The following UBE4B variants were observed in gnomAD, a reference collection of about 807,000 sequenced individuals.
UBE4B encodes the protein ubiquitin conjugation factor E4 B.
Under a neutral mutation model 148.1 loss-of-function variants are expected in UBE4B, and 27 were observed. The ratio of observed to expected loss-of-function variants is 0.18; its 90% confidence interval spans 0.13 to 0.25. The LOEUF (loss-of-function observed/expected upper bound fraction) is 0.25. Among genes scored for constraint, UBE4B ranks in the 10% least tolerant of loss-of-function variants. UBE4B has a pLI of 1.00. For synonymous variants in UBE4B, 596 were observed against 619.3 expected, an observed-to-expected ratio of 0.96 and a Z score of 0.56; for missense variants, 1,170 against 1,662.4, an observed-to-expected ratio of 0.70 and a Z score of 5.15.
intron 2 of UBE4B, among the ~76,000 whole-genome samples, chr1:10,087,365 T>C (rs1644782425): frequency 6.6e-6 from 1 of 152,220 alleles, no homozygotes; most frequent in African/African-American, 2.4e-5. Context: ...AGGATTCCTG[T>C]GTACCCTTCA....
At chr1:10,107,330 T>A (rs1429295358) in intron 7 of UBE4B, 1 of 1,287,928 alleles carries the variant, frequency 7.8e-7, no homozygotes, top group African/African-American at 1.5e-5. Context: ...ATGATGAAGG[T>A]GGTGGTGGTG....
intron 1 of UBE4B, among the ~76,000 whole-genome samples, chr1:10,064,345 A>G (rs1644344059): frequency 6.6e-6 from 1 of 152,228 alleles, no homozygotes; most frequent in South Asian, 2.1e-4. Context: ...TAAGATGGTG[A>G]AAAAAAGGTG....
chr1:10,111,044 GACACAC>G (rs55936075), intron 7 of UBE4B, among the ~76,000 whole-genome samples: 5,095 of 113,374 alleles, frequency 0.045, 126 homozygotes, highest in Non-Finnish European at 0.057. Flanking sequence ...CTCTGTCTCT[GACACAC>G]ACACACACAC....
chr1:10,094,428 T>C (rs965847256), intron 2 of UBE4B, among the ~76,000 whole-genome samples: 76 of 151,922 alleles, frequency 5.0e-4, no homozygotes, highest in African/African-American at 1.8e-3. Context: ...CTAGATTCTA[T>C]CATTAACTTT....
rs879934407 is a variant in UBE4B, at chr1:10,060,765, A to AT, written c.25-11250dup. Among the ~76,000 whole-genome samples, 341 of 144,878 alleles carry AT rather than the reference A, an allele frequency of 2.4e-3. 1 individual carries two copies. The highest frequency in any genetic ancestry group is 7.1e-3 in the Middle Eastern group (2 of 280). ...TAGTGAGCTAGTGAGATTCTGGACA[A>AT]TTTTTTTTTTTTTGGAGCCAGTCTC... is the stretch of plus-strand genomic sequence containing the variant. On this transcript the variant is annotated intron_variant, in intron 1 of 27. Coordinates refer to ENST00000343090, the MANE Select transcript of UBE4B (RefSeq NM_001105562.3).
chr1:10,160,741 G>A (rs189040623), intron 22 of UBE4B, among the ~76,000 whole-genome samples: 22 of 152,266 alleles, frequency 1.4e-4, no homozygotes, highest in Middle Eastern at 3.4e-3. Flanking sequence ...GAGCCCAGGA[G>A]TTTGAGACCA....
At position 10,106,644 on chromosome 1, in the gene UBE4B, G is replaced by T; in HGVS notation, c.1196+61G>T. On this transcript the variant is annotated intron_variant, in intron 7 of 27. Coordinates refer to ENST00000343090, the MANE Select transcript of UBE4B (RefSeq NM_001105562.3). The surrounding 1 kb of genome is among the most constrained non-coding windows in gnomAD (Gnocchi z 4.2). ...CGGTGCAGGGAAAGGAGATTAACAC[G>T]GTTTGGAAGAAGTGCTGTGTGACAC... The T allele has an allele frequency of 6.8e-7, 1 of 1,477,432 alleles. No homozygotes were observed. Among genetic ancestry groups the T allele is most frequent in the South Asian group, 1.4e-5 (1 of 70,278 alleles). The allele number at this position is 1,477,432 out of a possible 1,614,324, so 91.5% of individuals were successfully genotyped here.
chr1:10,041,021 C>G (rs1192245573), intron 1 of UBE4B, among the ~76,000 whole-genome samples: 1 of 152,158 alleles, frequency 6.6e-6, no homozygotes, highest in African/African-American at 2.4e-5. Flanking sequence ...CACTTTATAA[C>G]CAGGACTCTT....
intron 1 of UBE4B, among the ~76,000 whole-genome samples, chr1:10,036,589 C>T (rs1643544446): frequency 6.6e-6 from 1 of 151,880 alleles, no homozygotes; most frequent in African/African-American, 2.4e-5. Flanking sequence ...CCCACTTCAG[C>T]CTCCCAAAGT....
At chr1:10,080,293 G>T (rs1413866919) in intron 2 of UBE4B, among the ~76,000 whole-genome samples, 1 of 151,954 alleles carries the variant, frequency 6.6e-6, no homozygotes, top group African/African-American at 2.4e-5. Flanking sequence ...GGTGGCGGGT[G>T]CCTGTAATCC....
chr1:10,111,933 G>C (rs1226909541), intron 7 of UBE4B, among the ~76,000 whole-genome samples: 1 of 151,524 alleles, frequency 6.6e-6, no homozygotes, highest in Non-Finnish European at 1.5e-5. Flanking sequence ...CTCCAGCCTG[G>C]GCAACACAGC....
Position 10,135,474 on chromosome 1 carries a change from C to T in UBE4B, c.2224+288C>T, listed in dbSNP as rs578022407. Among the ~76,000 whole-genome samples, 115 of 152,142 alleles carry T rather than the reference C, an allele frequency of 7.6e-4. 1 individual carries two copies. The highest frequency in any genetic ancestry group is 2.6e-3 in the African/African-American group (106 of 41,498). ...CAAAAATTAGCTGGGCATGGTGGCA[C>T]ACGCCTGTAATCCCAGCACTTTGGG... On this transcript the variant is annotated intron_variant, in intron 16 of 27. Transcript: ENST00000343090.
intron 1 of UBE4B, among the ~76,000 whole-genome samples, chr1:10,068,832 A>AAG (rs1460899058): frequency 6.6e-6 from 1 of 152,200 alleles, no homozygotes. Context: ...CAGACCACCC[A>AAG]AGGGCATTAT....
intron 25 of UBE4B, among the ~76,000 whole-genome samples, chr1:10,177,260 C>T (rs995070823): frequency 6.6e-6 from 1 of 151,838 alleles, no homozygotes; most frequent in Non-Finnish European, 1.5e-5. Context: ...TGGCTCACGC[C>T]TGTAATCCCA....
At chr1:10,097,901 C>T (rs890322795) in intron 3 of UBE4B, among the ~76,000 whole-genome samples, 8 of 152,092 alleles carry the variant, frequency 5.3e-5, no homozygotes, top group African/African-American at 1.7e-4. Context: ...GACGGAGTCT[C>T]ACTCTGTCTC....
intron 25 of UBE4B, among the ~76,000 whole-genome samples, chr1:10,176,848 C>T (rs1646436213): frequency 7.2e-6 from 1 of 138,286 alleles, no homozygotes; most frequent in Non-Finnish European, 1.5e-5. Context: ...TGCAGTGGTG[C>T]GATCTCAGCC....
rs78062225 is a variant in UBE4B, at chr1:10,034,431, A to T, written c.24+737A>T. The stretch of plus-strand genomic sequence containing the variant: ...CTCATTTCTTAAAGGAGTTATACAG[A>T]TCTACTTCTTGATGTTTTAAAGATT... On this transcript the variant is annotated intron_variant, in intron 1 of 27. Coordinates refer to ENST00000343090, the MANE Select transcript of UBE4B (RefSeq NM_001105562.3). Among the ~76,000 whole-genome samples, 30 of 152,196 alleles carry T rather than the reference A, an allele frequency of 2.0e-4. 1 individual carries two copies. The East Asian group carries it at 5.8e-3, about 29-fold the overall frequency.
In UBE4B at chr1:10,104,025, G is replaced by T. The variant is rs187378947; in HGVS notation, c.580+933G>T. On this transcript the variant is annotated intron_variant, in intron 5 of 27. Coordinates refer to ENST00000343090, the MANE Select transcript of UBE4B (RefSeq NM_001105562.3). Reference sequence around the variant, plus strand: ...TCTGCCTGCCTCGGCCTCCCAAAGTGCTGGGATTACAGGCTTGAGCCACCG... The same window carrying T: ...TCTGCCTGCCTCGGCCTCCCAAAGTTCTGGGATTACAGGCTTGAGCCACCG... Among the ~76,000 whole-genome samples, 162 of 152,200 alleles carry T rather than the reference G, an allele frequency of 1.1e-3. 1 individual carries two copies. Among genetic ancestry groups the T allele is most frequent in the African/African-American group, 3.2e-3 (135 of 41,564 alleles).
chr1:10,100,050 C>T (rs758948331), intron 3 of UBE4B, among the ~76,000 whole-genome samples: 7 of 151,104 alleles, frequency 4.6e-5, no homozygotes, highest in Non-Finnish European at 7.4e-5. Context: ...AGTGCAGTGG[C>T]GCAGTCTTGG....
Sources: gnomAD v4.1 joint callset for allele counts (sites outside exome capture counted in the v4.1 genomes callset) on GRCh38, gnomAD v4.1.1 for gene constraint, Gnocchi (gnomAD v3.1) non-coding constraint, MANE v1.5 for transcripts, NCBI Gene and HGNC (gene_info 2026-07-23, HGNC 2026-07-21) for gene names.